EXO1: variants seen among roughly 807,000 people sequenced by gnomAD.
EXO1 encodes the protein exonuclease 1.
Under a neutral mutation model 84.5 loss-of-function variants are expected in EXO1, and 69 were observed. The observed-to-expected ratio is 0.82, with a 90% confidence interval of 0.67 to 1.00. EXO1 has a LOEUF of 1.00. EXO1 is among the 50% of genes least tolerant of loss of function. EXO1 has a pLI of 0.00. For synonymous variants in EXO1, 373 were observed against 366.1 expected (o/e 1.02, Z -0.21); for missense variants, 1,045 against 1,000.7 (o/e 1.04, Z -0.60).
At chr1:241,866,611 C>G (rs1291368488) in intron 10 of EXO1, among the ~76,000 whole-genome samples, 8 of 130,490 alleles carry the variant, frequency 6.1e-5, no homozygotes, top group South Asian at 4.8e-4. Flanking sequence ...TTGCTTGACT[C>G]TCATCAGAAG....
In EXO1 at chr1:241,889,869, T is replaced by C; in HGVS notation, c.*269T>C. On this transcript the variant is annotated 3_prime_UTR_variant, in exon 16 of 16. Transcript: ENST00000366548. ...TGTTAATTGGGAAAATCCTCTGGAG[T>C]TTATAAAAGTCTACTCTAAATATTT... The C allele has an allele frequency of 2.3e-6, 1 of 435,634 alleles. No individual in the cohort carries two copies. The highest frequency in any genetic ancestry group is 4.2e-6 in the Non-Finnish European group (1 of 238,866). The allele number at this position is 435,634 out of a possible 1,614,324, so 27.0% of individuals were successfully genotyped here. A position where few individuals can be genotyped will look rare whatever the true frequency, so the allele number is the denominator to read the frequency against.
At chr1:241,874,702 C>T (rs1627006) in intron 12 of EXO1, among the ~76,000 whole-genome samples, 90,152 of 152,084 alleles carry the variant, frequency 0.59, 27,036 homozygotes, top group East Asian at 0.8. Flanking sequence ...TACTTCAGTT[C>T]TCTCCTTTTA....
intron 6 of EXO1, among the ~76,000 whole-genome samples, chr1:241,856,045 A>C (rs1249102666): frequency 6.6e-6 from 1 of 152,212 alleles, no homozygotes; most frequent in Non-Finnish European, 1.5e-5. Context: ...CGGTGGGCTG[A>C]AGGGCTCAAG....
chr1:241,861,995 A>G (rs1306484877), intron 10 of EXO1, among the ~76,000 whole-genome samples: 2 of 151,958 alleles, frequency 1.3e-5, no homozygotes, highest in Non-Finnish European at 2.9e-5. Flanking sequence ...CTGGAGTGCA[A>G]TGGTGCGATC....
intron 15 of EXO1, among the ~76,000 whole-genome samples, chr1:241,886,293 A>G (rs1319512800): frequency 6.6e-6 from 1 of 152,236 alleles, no homozygotes; most frequent in Non-Finnish European, 1.5e-5. Context: ...CACTGTTTTA[A>G]AAGAATTCAT....
chr1:241,886,341 C>G (rs1227225857), intron 15 of EXO1, among the ~76,000 whole-genome samples: 1 of 152,188 alleles, frequency 6.6e-6, no homozygotes, highest in African/African-American at 2.4e-5. Context: ...CATAATACTT[C>G]CTTCTGTTAG....
rs576491624 is a variant in EXO1 at position 241,852,224 on chromosome 1, C to A, written c.162-68C>A. On this transcript the variant is annotated intron_variant, in intron 4 of 15. Coordinates refer to ENST00000366548, the MANE Select transcript of EXO1 (RefSeq NM_130398.4). ...CTCTTTCCATAGTTTTCTCATCTGGCCTAAAATAGAGCAGAAGTATTACCT... is the reference window on the plus strand; with the variant it reads ...CTCTTTCCATAGTTTTCTCATCTGGACTAAAATAGAGCAGAAGTATTACCT... 14 of 1,399,632 alleles carry A rather than the reference C, an allele frequency of 1.0e-5. No homozygotes were observed. In the Admixed American group the frequency reaches 2.0e-4, roughly 20 times the overall value. The allele number at this position is 1,399,632 out of a possible 1,614,324, so 86.7% of individuals were successfully genotyped here.
chr1:241,854,940 C>G (rs1466094327), intron 6 of EXO1, among the ~76,000 whole-genome samples: 2 of 151,780 alleles, frequency 1.3e-5, no homozygotes, highest in East Asian at 1.9e-4. Context: ...TAAGGCAGCG[C>G]GTCTGGAGTT....
intron 8 of EXO1, among the ~76,000 whole-genome samples, chr1:241,859,128 TA>T (rs1330105547): frequency 6.6e-6 from 1 of 152,246 alleles, no homozygotes; most frequent in Non-Finnish European, 1.5e-5. Context: ...TATTGATATT[TA>T]CTGAATTAAA....
chr1:241,870,880 C>T (rs1047062758), intron 11 of EXO1, among the ~76,000 whole-genome samples: 4 of 152,164 alleles, frequency 2.6e-5, no homozygotes, highest in Non-Finnish European at 5.9e-5. Flanking sequence ...GTATATGAGA[C>T]AGACTTCCTT....
rs1663272255 is a variant in EXO1 at position 241,889,649 on chromosome 1, G to A, written c.*49G>A. ...GCCTGCAAGAGAATCTGATCAATTT[G>A]AAGTCCCTGTTTGGGAATGAGGCAC... is the stretch of plus-strand genomic sequence containing the variant. On this transcript the variant is annotated 3_prime_UTR_variant, in exon 16 of 16. Transcript: ENST00000366548. 1 of 1,599,024 alleles carries A rather than the reference G, an allele frequency of 6.3e-7. No individual in the cohort carries two copies. The highest frequency in any genetic ancestry group is 1.7e-5 in the Admixed American group (1 of 59,994).
rs1257220726 is a variant in EXO1 at position 241,889,571 on chromosome 1, G to T, written c.2512G>T (p.Gly838Cys). Residue 838 changes from glycine to cysteine, a missense_variant, in exon 16 of 16, where the codon GGC becomes TGC. Coordinates refer to ENST00000366548, the MANE Select transcript of EXO1 (RefSeq NM_130398.4). Reference protein sequence around the residue: ...EEDIFNKPECGRVQRAIFQ With the variant: ...EEDIFNKPECCRVQRAIFQ ...GGATATATTTAACAAACCTGAATGT[G>T]GCCGTGTTCAAAGAGCAATATTCCA... is the stretch of plus-strand genomic sequence containing the variant. 6.2e-7 allele frequency: 1 copy of T among 1,614,008 alleles called. No individual in the cohort carries two copies. Among genetic ancestry groups the T allele is most frequent in the East Asian group, 2.2e-5 (1 of 44,874 alleles).
rs1024525498 is a variant in EXO1, at chr1:241,878,749, G to T, written c.1515G>T (p.Arg505Ser). The change falls in exon 13 of 16, where the codon AGG (arginine) becomes AGT (serine). Residue 505 changes from arginine to serine, a missense_variant and splice_region_variant. Arg to Ser is a moderately radical substitution (Grantham distance 110). Coordinates refer to ENST00000366548, the MANE Select transcript of EXO1 (RefSeq NM_130398.4). ...GAVVVPGTRS[R>S]FFCSSDSTDC... is the part of the protein sequence containing the mutation. Reference sequence around the variant, plus strand: ...TTGTTTCTATTGCTTTTTTTATTAGGTTTTTTTGCAGTTCAGATTCTACTG... The same window carrying T: ...TTGTTTCTATTGCTTTTTTTATTAGTTTTTTTTGCAGTTCAGATTCTACTG... 21 of 1,600,310 alleles carry T rather than the reference G, an allele frequency of 1.3e-5. No individual in the cohort carries two copies. Among genetic ancestry groups the T allele is most frequent in the African/African-American group, 5.4e-5 (4 of 74,276 alleles).
At chr1:241,887,636 G>C (rs1050536714) in intron 15 of EXO1, among the ~76,000 whole-genome samples, 1 of 151,776 alleles carries the variant, frequency 6.6e-6, no homozygotes, top group African/African-American at 2.4e-5. Context: ...TTATTTGTTT[G>C]TTTATTTATT....
At position 241,879,148 on chromosome 1, in the gene EXO1, T is replaced by C. The variant is rs1662588095; in HGVS notation, c.1914T>C (p.Asp638=). Residue 638 remains aspartate (D), a synonymous_variant, in exon 13 of 16, where the codon GAT becomes GAC. Coordinates refer to ENST00000366548, the MANE Select transcript of EXO1 (RefSeq NM_130398.4). The stretch of plus-strand genomic sequence containing the variant: ...TGCAGCAGTTCCGAAGAAAGAGCGA[T>C]TCCCCCACCTCTTTGCCTGAGAATA... ...TALQQFRRKS[D]SPTSLPENNM... is the part of the protein sequence containing the mutation. 1 of 1,609,106 alleles carries C rather than the reference T, an allele frequency of 6.2e-7. No homozygotes were observed. Among genetic ancestry groups the C allele is most frequent in the East Asian group, 2.2e-5 (1 of 44,736 alleles).
intron 10 of EXO1, among the ~76,000 whole-genome samples, chr1:241,864,263 A>G (rs1268464232): frequency 3.3e-5 from 5 of 152,142 alleles, no homozygotes; most frequent in African/African-American, 9.7e-5. Flanking sequence ...GCACAGTTAC[A>G]TTTTTCCAAA....
chr1:241,853,789 G>A lies in EXO1; in HGVS notation c.405+308G>A, dbSNP rs572812081. The stretch of plus-strand genomic sequence containing the variant: ...GCAGTTTGGGACGCTGAGGCAGGAG[G>A]GTCATTTGAGCTCAGGAATTTGAGA... On this transcript the variant is annotated intron_variant, in intron 6 of 15. Transcript: ENST00000366548. Among the ~76,000 whole-genome samples, 442 of 152,208 alleles carry A rather than the reference G, an allele frequency of 2.9e-3. 4 individuals carry two copies. Among genetic ancestry groups the A allele is most frequent in the African/African-American group, 9.8e-3 (407 of 41,528 alleles).
At chr1:241,882,852 T>G (rs1355555249) in intron 14 of EXO1, among the ~76,000 whole-genome samples, 3 of 152,206 alleles carry the variant, frequency 2.0e-5, no homozygotes, top group Non-Finnish European at 4.4e-5. Flanking sequence ...GATAATCACA[T>G]GTTTTAAAAA....
At chr1:241,851,763 C>T (rs7518240) in intron 4 of EXO1, among the ~76,000 whole-genome samples, 1,573 of 152,148 alleles carry the variant, frequency 0.01, 29 homozygotes, top group African/African-American at 0.035. Flanking sequence ...CACCTCTTCC[C>T]GCAGAACTGG....
Sources: allele counts gnomAD v4.1 joint callset (sites outside exome capture counted in the v4.1 genomes callset), GRCh38; gene constraint gnomAD v4.1.1; transcripts MANE v1.5; gene names NCBI Gene and HGNC (gene_info 2026-07-23, HGNC 2026-07-21).